SNX29: variants seen among roughly 807,000 people sequenced by gnomAD.
SNX29 encodes the protein sorting nexin-29.
A neutral mutation model predicts 102.1 loss-of-function variants in SNX29; 78 were observed. The ratio of observed to expected loss-of-function variants is 0.76; its 90% CI spans 0.64 to 0.92. SNX29 has a LOEUF of 0.92. Among genes scored for constraint, SNX29 ranks in the 40% least tolerant of loss-of-function variants. SNX29 has a pLI of 0.00. For missense variants in SNX29, 1,280 were observed against 1,061.7 expected, an observed-to-expected ratio of 1.21 and a Z score of -2.86; for synonymous variants, 580 against 414.5, an observed-to-expected ratio of 1.40 and a Z score of -4.85.
intron 20 of SNX29, among the ~76,000 whole-genome samples, chr16:12,536,237 T>C (rs1297650069): frequency 6.6e-6 from 1 of 152,154 alleles, no homozygotes; most frequent in Non-Finnish European, 1.5e-5. Context: ...CATGTTTTTT[T>C]CTTTTTTATG....
At position 12,322,957 on chromosome 16, in the gene SNX29, C is replaced by T. The variant is rs71388722; in HGVS notation, c.1783-33206C>T. On this transcript the variant is annotated intron_variant, in intron 15 of 20. Coordinates refer to ENST00000566228, the MANE Select transcript of SNX29 (RefSeq NM_032167.5). ...GTCAGGATGCGGTCACTGGAGTCAC[C>T]GGGGACCACTGTCAGGATGCGGTCA... Among the ~76,000 whole-genome samples, 729 of 83,960 alleles carry T rather than the reference C, an allele frequency of 8.7e-3. 12 individuals carry two copies. The highest frequency in any genetic ancestry group is 0.04 in the African/African-American group (599 of 15,042). 55.1% of individuals were successfully genotyped at this position (83,960 alleles called of 152,430 possible). A position where few individuals can be genotyped will look rare whatever the true frequency, so the allele number is the denominator to read the frequency against.
At chr16:12,347,499 T>C (rs1371968550) in intron 15 of SNX29, among the ~76,000 whole-genome samples, 4 of 151,900 alleles carry the variant, frequency 2.6e-5, no homozygotes, top group Non-Finnish European at 4.4e-5. Context: ...ACTGACCACC[T>C]CCCTCCCTTC....
intron 14 of SNX29, among the ~76,000 whole-genome samples, chr16:12,269,257 T>A (rs2079022152): frequency 6.6e-6 from 1 of 152,204 alleles, no homozygotes; most frequent in Non-Finnish European, 1.5e-5. Context: ...ACTGCGGATT[T>A]TTCCCGTGAA....
intron 19 of SNX29, among the ~76,000 whole-genome samples, chr16:12,498,418 C>G (rs886688741): frequency 4.0e-5 from 6 of 151,714 alleles, no homozygotes; most frequent in Non-Finnish European, 1.5e-5. Flanking sequence ...AAAATGCTTG[C>G]TTGGGAAGCA....
At chr16:12,476,058 C>T (rs545524191) in intron 18 of SNX29, among the ~76,000 whole-genome samples, 12 of 152,070 alleles carry the variant, frequency 7.9e-5, no homozygotes, top group South Asian at 2.1e-4. Flanking sequence ...TGGTGGGTCA[C>T]GCCTATAATC....
At chr16:12,301,118 C>T (rs1368866172) in intron 15 of SNX29, among the ~76,000 whole-genome samples, 3 of 152,196 alleles carry the variant, frequency 2.0e-5, no homozygotes, top group Non-Finnish European at 2.9e-5. Context: ...TTCTCTCTTT[C>T]CCTCACTGTC....
chr16:12,543,071 C>G (rs762980660), intron 20 of SNX29, among the ~76,000 whole-genome samples: 10 of 152,208 alleles, frequency 6.6e-5, no homozygotes, highest in Non-Finnish European at 1.3e-4. Flanking sequence ...TGGTTTCACC[C>G]TCAAGCATGT....
chr16:12,249,513 G>C (rs943375504), intron 14 of SNX29, among the ~76,000 whole-genome samples: 4 of 152,208 alleles, frequency 2.6e-5, no homozygotes, highest in African/African-American at 9.6e-5. Flanking sequence ...GATCCCAGGA[G>C]GTGGGGTTCA....
At chr16:12,418,841 T>A (rs1363163702) in intron 18 of SNX29, among the ~76,000 whole-genome samples, 2 of 152,196 alleles carry the variant, frequency 1.3e-5, no homozygotes, top group African/African-American at 4.8e-5. Flanking sequence ...TTCACATGCC[T>A]GGTGTCAGTT....
chr16:12,207,902 T>A (rs2077086152), intron 14 of SNX29, among the ~76,000 whole-genome samples: 1 of 152,074 alleles, frequency 6.6e-6, no homozygotes, highest in African/African-American at 2.4e-5. Context: ...ACATAAGGGG[T>A]AGGGTCTGGG....
At chr16:12,549,592 C>T (rs566586536) in intron 20 of SNX29, among the ~76,000 whole-genome samples, 1 of 152,158 alleles carries the variant, frequency 6.6e-6, no homozygotes, top group Non-Finnish European at 1.5e-5. Context: ...AGACCTGCAC[C>T]TTTTTCTACT....
intron 14 of SNX29, among the ~76,000 whole-genome samples, chr16:12,232,289 G>T (rs1217116719): frequency 6.6e-6 from 1 of 152,232 alleles, no homozygotes; most frequent in Non-Finnish European, 1.5e-5. Context: ...AACTTTGGGA[G>T]GCCGAGGTGG....
At chr16:12,541,013 G>A (rs1380287131) in intron 20 of SNX29, among the ~76,000 whole-genome samples, 1 of 152,102 alleles carries the variant, frequency 6.6e-6, no homozygotes, top group Non-Finnish European at 1.5e-5. Context: ...GGGTTTCCTG[G>A]GACAGCAACA....
chr16:12,306,595 G>C (rs939933524), intron 15 of SNX29, among the ~76,000 whole-genome samples: 2 of 152,172 alleles, frequency 1.3e-5, no homozygotes, highest in Admixed American at 6.5e-5. Flanking sequence ...CGCTGTCTTT[G>C]TAACTACATT....
chr16:12,519,491 C>T (rs1015460026), intron 19 of SNX29, among the ~76,000 whole-genome samples: 2 of 152,060 alleles, frequency 1.3e-5, no homozygotes, highest in African/African-American at 2.4e-5. Context: ...GGTGATTATG[C>T]CATTGTGGTC....
At chr16:12,533,130 A>G (rs1054251638) in intron 20 of SNX29, among the ~76,000 whole-genome samples, 4 of 152,370 alleles carry the variant, frequency 2.6e-5, no homozygotes, top group Admixed American at 2.6e-4. Flanking sequence ...CTCTGCTTAG[A>G]AACACGGCCG....
At chr16:12,203,818 C>T (rs1361901481) in intron 14 of SNX29, among the ~76,000 whole-genome samples, 12 of 152,228 alleles carry the variant, frequency 7.9e-5, no homozygotes, top group Non-Finnish European at 1.2e-4. Flanking sequence ...ATTGGCCACA[C>T]GTGACTCCAG....
chr16:12,137,739 G>A (rs187616486), intron 13 of SNX29, among the ~76,000 whole-genome samples: 252 of 152,308 alleles, frequency 1.7e-3, no homozygotes, highest in African/African-American at 5.3e-3. Context: ...TCCATTCAAA[G>A]GCACTGATTA....
chr16:12,262,493 A>T (rs897391482), intron 14 of SNX29, among the ~76,000 whole-genome samples: 2 of 152,192 alleles, frequency 1.3e-5, no homozygotes, highest in African/African-American at 2.4e-5. Context: ...GGATCAATAA[A>T]AGGCTGGTGG....
Sources: allele counts gnomAD v4.1 joint callset (sites outside exome capture counted in the v4.1 genomes callset), GRCh38; gene constraint gnomAD v4.1.1; transcripts MANE v1.5; gene names NCBI Gene and HGNC (gene_info 2026-07-23, HGNC 2026-07-21).